The following SATB2 variants were observed in gnomAD, a reference collection of about 807,000 sequenced individuals.
SATB2 encodes SATB homeobox 2, also known as DNA-binding protein SATB2.
A neutral mutation model predicts 73.4 loss-of-function variants in SATB2; 1 was observed. The ratio of observed to expected loss-of-function variants is 0.01; its 90% CI spans 0.00 to 0.06. The LOEUF (loss-of-function observed/expected upper bound fraction) is 0.06, where lower values mean the gene tolerates loss of function less well. Among genes scored for constraint, SATB2 ranks in the 10% least tolerant of loss-of-function variants. SATB2 has a pLI of 1.00. For synonymous variants in SATB2, 397 were observed against 367.0 expected, an observed-to-expected ratio of 1.08 and a Z score of -0.93; for missense variants, 459 against 945.8, an observed-to-expected ratio of 0.49 and a Z score of 6.75.
chr2:199,347,908 T>A (rs1238051363), intron 7 of SATB2: 1 of 152,208 alleles, frequency 6.6e-6, no homozygotes, highest in Non-Finnish European at 1.5e-5. Flanking sequence ...TGGGATCTTG[T>A]TAGAAATGTC....
At chr2:199,448,124 C>A (rs549073928) in intron 2 of SATB2, among the ~76,000 whole-genome samples, 2 of 152,190 alleles carry the variant, frequency 1.3e-5, no homozygotes, top group South Asian at 4.1e-4. Flanking sequence ...TGTTAACCCC[C>A]AAAAAATAAT....
chr2:199,416,895 G>T (rs192190258), intron 3 of SATB2, among the ~76,000 whole-genome samples: 1 of 152,128 alleles, frequency 6.6e-6, no homozygotes, highest in Non-Finnish European at 1.5e-5. Flanking sequence ...TATTAGCCAG[G>T]TATGGTGGCA....
intron 6 of SATB2, among the ~76,000 whole-genome samples, chr2:199,366,834 A>T (rs1160864996): frequency 6.6e-6 from 1 of 151,090 alleles, no homozygotes; most frequent in African/African-American, 2.4e-5. Flanking sequence ...AAAAAGATAC[A>T]GCTTGAAGAA....
At chr2:199,453,250 C>T (rs1345810077) in intron 2 of SATB2, among the ~76,000 whole-genome samples, 1 of 152,050 alleles carries the variant, frequency 6.6e-6, no homozygotes, top group Non-Finnish European at 1.5e-5. Flanking sequence ...CTTGATCTCC[C>T]TTATTTTTAA....
chr2:199,382,596 G>A (rs994638273), intron 3 of SATB2, among the ~76,000 whole-genome samples: 1 of 152,124 alleles, frequency 6.6e-6, no homozygotes, highest in Non-Finnish European at 1.5e-5. Flanking sequence ...CTTGTTAGAG[G>A]AAGATTCATG....
chr2:199,440,010 G>A (rs1691767060), intron 2 of SATB2, among the ~76,000 whole-genome samples: 1 of 152,220 alleles, frequency 6.6e-6, no homozygotes, highest in South Asian at 2.1e-4. Flanking sequence ...GAGGCTGAGG[G>A]CAGGAGAATG....
intron 3 of SATB2, among the ~76,000 whole-genome samples, chr2:199,426,142 CA>C (rs1368652066): frequency 6.6e-6 from 1 of 152,000 alleles, no homozygotes; most frequent in Non-Finnish European, 1.5e-5. Context: ...ATTTTTTCAA[CA>C]TTGCCCTTAC....
chr2:199,388,212 C>CT (rs1553497838), intron 3 of SATB2, among the ~76,000 whole-genome samples: 1 of 152,106 alleles, frequency 6.6e-6, no homozygotes, highest in Non-Finnish European at 1.5e-5. Flanking sequence ...CATTCAACAA[C>CT]TTTTTTCTTG....
At chr2:199,417,767 T>A (rs1274570430) in intron 3 of SATB2, among the ~76,000 whole-genome samples, 1 of 152,210 alleles carries the variant, frequency 6.6e-6, no homozygotes, top group East Asian at 1.9e-4. Flanking sequence ...TCAGCCTGTG[T>A]AAATATTTAA....
chr2:199,330,730 T>A (rs1688165068), intron 7 of SATB2, among the ~76,000 whole-genome samples: 1 of 152,222 alleles, frequency 6.6e-6, no homozygotes, highest in Non-Finnish European at 1.5e-5. Context: ...TGAATTTGTT[T>A]TGAAGATAAA....
chr2:199,414,709 G>A (rs754623634), intron 3 of SATB2, among the ~76,000 whole-genome samples: 7 of 152,040 alleles, frequency 4.6e-5, no homozygotes, highest in East Asian at 1.9e-4. Flanking sequence ...TGCTTGTCAC[G>A]GGCCCCAGTC....
At position 199,272,250 on chromosome 2, in the gene SATB2, G is replaced by T. The variant is rs35116041; in HGVS notation, c.2163C>A (p.Asp721Glu). 1 of 1,614,180 alleles carries T rather than the reference G, an allele frequency of 6.2e-7. No individual in the cohort carries two copies. Among genetic ancestry groups the T allele is most frequent in the African/African-American group, 1.3e-5 (1 of 75,072 alleles). The change falls in exon 11 of 11, where the codon GAC becomes GAA. Residue 721 changes from aspartate (D) to glutamate (E), a missense_variant. Physicochemically the swap from Asp to Glu is conservative, Grantham distance 45. Coordinates refer to ENST00000417098, the MANE Select transcript of SATB2 (RefSeq NM_001172509.2). This position sits in a 1 kb window ranked among gnomAD's most constrained non-coding sequence, Gnocchi z 6.7. ...TTTCGGCAGGTGCTGCCTTGCTTTTGTCAGCATTTTCCTCCTCAGCCTCCA... is the reference window on the plus strand; with the variant it reads ...TTTCGGCAGGTGCTGCCTTGCTTTTTTCAGCATTTTCCTCCTCAGCCTCCA... ...YKVEAEEENA[D>E]KSKAAPAEID...
intron 2 of SATB2, among the ~76,000 whole-genome samples, chr2:199,454,801 GTAAC>G (rs1692226297): frequency 6.6e-6 from 1 of 152,196 alleles, no homozygotes; most frequent in South Asian, 2.1e-4. Flanking sequence ...TTAGATGTAA[GTAAC>G]TATTTTGAAA....
At chr2:199,373,135 T>C (rs1425737681) in intron 5 of SATB2, among the ~76,000 whole-genome samples, 1 of 152,154 alleles carries the variant, frequency 6.6e-6, no homozygotes, top group Non-Finnish European at 1.5e-5. Context: ...TTACATATTC[T>C]GTCAGTGAGA....
chr2:199,412,859 G>C (rs1402742274), intron 3 of SATB2, among the ~76,000 whole-genome samples: 1 of 152,168 alleles, frequency 6.6e-6, no homozygotes, highest in African/African-American at 2.4e-5. Context: ...AAAATCCATG[G>C]AGAATGTAGC....
chr2:199,299,298 T>C (rs1320722540), intron 10 of SATB2, among the ~76,000 whole-genome samples: 1 of 152,218 alleles, frequency 6.6e-6, no homozygotes, highest in Non-Finnish European at 1.5e-5. Flanking sequence ...TGTAGAGCTA[T>C]GTAAATCACT....
At chr2:199,275,056 G>A (rs573879289) in intron 10 of SATB2, among the ~76,000 whole-genome samples, 4 of 152,186 alleles carry the variant, frequency 2.6e-5, no homozygotes, top group South Asian at 2.1e-4. Context: ...GAGCAATTGC[G>A]CTAATTGGAA....
intron 6 of SATB2, among the ~76,000 whole-genome samples, chr2:199,362,517 A>G (rs1356375441): frequency 1.3e-5 from 2 of 152,146 alleles, no homozygotes; most frequent in Non-Finnish European, 2.9e-5. Flanking sequence ...GGTAGGAAGT[A>G]TATCTTACGT....
At chr2:199,310,590 T>G (rs1320350976) in intron 9 of SATB2, among the ~76,000 whole-genome samples, 1 of 152,124 alleles carries the variant, frequency 6.6e-6, no homozygotes, top group Non-Finnish European at 1.5e-5. Flanking sequence ...AAATGGAAAA[T>G]AAACCATCTG....
Sources: allele counts gnomAD v4.1 joint callset (sites outside exome capture counted in the v4.1 genomes callset), GRCh38; gene constraint gnomAD v4.1.1; non-coding constraint Gnocchi (gnomAD v3.1); transcripts MANE v1.5; gene names NCBI Gene and HGNC (gene_info 2026-07-23, HGNC 2026-07-21).